The following USP37 variants were observed in gnomAD, a reference collection of about 807,000 sequenced individuals.
USP37 encodes the protein ubiquitin carboxyl-terminal hydrolase 37.
Under a neutral mutation model 124.0 loss-of-function variants are expected in USP37, and 27 were observed. That is an observed-to-expected ratio of 0.22 (90% confidence interval 0.16 to 0.30). USP37 has a LOEUF of 0.30. USP37 is among the 10% of genes least tolerant of loss of function. The pLI, the probability that USP37 is intolerant of heterozygous loss-of-function variation, is 1.00. For synonymous variants in USP37, 365 were observed against 388.0 expected, an observed-to-expected ratio of 0.94 and a Z score of 0.70; for missense variants, 889 against 1,140.4, an observed-to-expected ratio of 0.78 and a Z score of 3.17.
intron 9 of USP37, among the ~76,000 whole-genome samples, chr2:218,531,949 A>G (rs1691349631): frequency 6.6e-6 from 1 of 152,218 alleles, no homozygotes; most frequent in Non-Finnish European, 1.5e-5. Flanking sequence ...GTCTCCTGAG[A>G]TGAAATCTAA....
At chr2:218,509,368 A>G (rs930046518) in intron 11 of USP37, among the ~76,000 whole-genome samples, 1 of 152,176 alleles carries the variant, frequency 6.6e-6, no homozygotes, top group Non-Finnish European at 1.5e-5. Context: ...ATCTATCTCA[A>G]AGACTTGTTG....
At chr2:218,544,150 C>T (rs940492830) in intron 8 of USP37, among the ~76,000 whole-genome samples, 2 of 151,734 alleles carry the variant, frequency 1.3e-5, no homozygotes, top group South Asian at 2.1e-4. Flanking sequence ...GAGGTCGAGG[C>T]GGGCAGATCA....
intron 17 of USP37, among the ~76,000 whole-genome samples, chr2:218,480,770 C>A (rs1293980423): frequency 6.6e-6 from 1 of 152,192 alleles, no homozygotes; most frequent in Non-Finnish European, 1.5e-5. Context: ...TGTGATCATA[C>A]ACTATTAGTG....
intron 1 of USP37, among the ~76,000 whole-genome samples, chr2:218,563,569 T>C (rs1693426565): frequency 6.6e-6 from 1 of 152,228 alleles, no homozygotes; most frequent in African/African-American, 2.4e-5. Flanking sequence ...GTTTCTCAAA[T>C]TAGGCTTCAC....
At chr2:218,556,901 T>C (rs1693013896) in intron 4 of USP37, among the ~76,000 whole-genome samples, 1 of 152,112 alleles carries the variant, frequency 6.6e-6, no homozygotes, top group Admixed American at 6.6e-5. Flanking sequence ...CCCTGTTTCT[T>C]TTTCAGACAG....
intron 10 of USP37, among the ~76,000 whole-genome samples, chr2:218,520,921 G>T (rs980185056): frequency 6.6e-6 from 1 of 152,070 alleles, no homozygotes; most frequent in Non-Finnish European, 1.5e-5. Flanking sequence ...TTGGAGGTGG[G>T]GCTTGGTGGA....
chr2:218,561,228 C>T (rs1303186667), intron 2 of USP37, among the ~76,000 whole-genome samples: 2 of 152,174 alleles, frequency 1.3e-5, no homozygotes, highest in Non-Finnish European at 2.9e-5. Flanking sequence ...TCCACTCCGC[C>T]ACTCAGTGCT....
chr2:218,556,339 T>A (rs1464816927), intron 4 of USP37, among the ~76,000 whole-genome samples: 2 of 151,886 alleles, frequency 1.3e-5, no homozygotes, highest in Non-Finnish European at 2.9e-5. Flanking sequence ...AAATTCAGGG[T>A]TAAAGAAAAA....
chr2:218,516,884 A>T (rs1283717920), intron 10 of USP37, among the ~76,000 whole-genome samples: 1 of 152,190 alleles, frequency 6.6e-6, no homozygotes, highest in Non-Finnish European at 1.5e-5. Flanking sequence ...ATTTACATAT[A>T]TAAAACCTTG....
At position 218,453,807 on chromosome 2, in the gene USP37, C is replaced by G. The variant is rs796303662; in HGVS notation, c.*1123G>C. 6 of 152,278 alleles carry G rather than the reference C, an allele frequency of 3.9e-5. No homozygotes were observed. Among genetic ancestry groups the G allele is most frequent in the African/African-American group, 1.4e-4 (6 of 41,548 alleles). 9.4% of individuals were successfully genotyped at this position (152,278 alleles called of 1,614,324 possible). A position where few individuals can be genotyped will look rare whatever the true frequency, so the allele number is the denominator to read the frequency against. On this transcript the variant is annotated 3_prime_UTR_variant, in exon 26 of 26. Coordinates refer to ENST00000258399, the MANE Select transcript of USP37 (RefSeq NM_020935.3). ...ACCCTATTTTAAGGGCAAAGCCAGA[C>G]AGTAAATGGTTAAATGCCCAAGGTT... is the stretch of plus-strand genomic sequence containing the variant.
chr2:218,529,709 T>C (rs1489259060), intron 10 of USP37, among the ~76,000 whole-genome samples: 1 of 151,958 alleles, frequency 6.6e-6, no homozygotes, highest in Non-Finnish European at 1.5e-5. Flanking sequence ...GCAGCCTTGA[T>C]CTCCAAGGCT....
chr2:218,556,922 T>C (rs1693015456), intron 4 of USP37, among the ~76,000 whole-genome samples: 2 of 152,348 alleles, frequency 1.3e-5, no homozygotes, highest in South Asian at 4.1e-4. Flanking sequence ...GATCCTGCTT[T>C]GTCACGCAGG....
chr2:218,459,425 G>A (rs7597519), intron 23 of USP37, among the ~76,000 whole-genome samples: 2,829 of 151,648 alleles, frequency 0.019, 96 homozygotes, highest in African/African-American at 0.064. Context: ...GGCTGGTCTC[G>A]AACTCCTGAT....
At chr2:218,560,990 C>T (rs1351694341) in intron 2 of USP37, 107 bp from the exon 3 acceptor site, 1 of 152,074 alleles carries the variant, frequency 6.6e-6, no homozygotes, top group Non-Finnish European at 1.5e-5. Flanking sequence ...TTTTTAAGTG[C>T]TTACTATGGG....
chr2:218,526,215 T>C (rs898103524), intron 10 of USP37, among the ~76,000 whole-genome samples: 1 of 152,158 alleles, frequency 6.6e-6, no homozygotes, highest in Non-Finnish European at 1.5e-5. Flanking sequence ...GTAATGGGAT[T>C]GCTGGGTTGA....
In USP37 at chr2:218,546,204, C is replaced by T. The variant is rs769615168; in HGVS notation, c.680+17G>A. The T allele has an allele frequency of 1.9e-6, 3 of 1,598,340 alleles. No individual in the cohort carries two copies. The highest frequency in any genetic ancestry group is 1.7e-6 in the Non-Finnish European group (2 of 1,168,026). ...AAACACTGCTCTAACACTATAAAGG[C>T]CCTTAAAGTAACTTACGATGATGAA... is the stretch of plus-strand genomic sequence containing the variant. On this transcript the variant is annotated intron_variant, in intron 8 of 25. Coordinates refer to ENST00000258399, the MANE Select transcript of USP37 (RefSeq NM_020935.3).
rs140103789 is a variant in USP37, at chr2:218,461,201, C to T, written c.2528-1296G>A. Among the ~76,000 whole-genome samples the T allele has an allele frequency of 9.8e-3, 1,486 of 152,188 alleles. 17 individuals are homozygous for T. The highest frequency in any genetic ancestry group is 0.016 in the Non-Finnish European group (1,077 of 67,996). On this transcript the variant is annotated intron_variant, in intron 22 of 25. Coordinates refer to ENST00000258399, the MANE Select transcript of USP37 (RefSeq NM_020935.3). ...TAAAATCACAGTATAGTGTGATTTA[C>T]AATCACATGAATATCTAAGAATGAA...
At chr2:218,491,789 G>C (rs1688794327) in intron 14 of USP37, among the ~76,000 whole-genome samples, 1 of 152,238 alleles carries the variant, frequency 6.6e-6, no homozygotes, top group African/African-American at 2.4e-5. Context: ...GAAATACATA[G>C]TAGGGAAGAG....
Position 218,454,918 on chromosome 2 carries a change from G to A in USP37, c.*12C>T, listed in dbSNP as rs758805691. The A allele has an allele frequency of 6.2e-7, 1 of 1,613,566 alleles. No homozygotes were observed. Reference sequence around the variant, plus strand: ...ATATGCAGTGCATGCTGCCAACCCAGGAGTTTGTTCCTCACAAGGCCTGAC... The same window carrying A: ...ATATGCAGTGCATGCTGCCAACCCAAGAGTTTGTTCCTCACAAGGCCTGAC... On this transcript the variant is annotated 3_prime_UTR_variant, in exon 26 of 26. Transcript: ENST00000258399.
Sources: gnomAD v4.1 joint callset for allele counts (sites outside exome capture counted in the v4.1 genomes callset) on GRCh38, gnomAD v4.1.1 for gene constraint, MANE v1.5 for transcripts, NCBI Gene and HGNC (gene_info 2026-07-23, HGNC 2026-07-21) for gene names.